The following PDE4D variants were observed in gnomAD, a reference collection of about 807,000 sequenced individuals.
The protein encoded by PDE4D is phosphodiesterase 4D, also known as 3',5'-cyclic-AMP phosphodiesterase 4D.
A neutral mutation model predicts 87.4 loss-of-function variants in PDE4D; 24 were observed. The ratio of observed to expected loss-of-function variants is 0.27; its 90% CI spans 0.20 to 0.39. PDE4D has a LOEUF of 0.39. Ranked by LOEUF, PDE4D falls within the 10% of genes least tolerant of loss-of-function variation. The probability of loss-of-function intolerance (pLI) is 1.00; values close to 1 mark genes in which losing one functional copy is unlikely to be tolerated. For missense variants in PDE4D, 714 were observed against 1,041.0 expected, an observed-to-expected ratio of 0.69 and a Z score of 4.32; for synonymous variants, 384 against 383.2, an observed-to-expected ratio of 1.00 and a Z score of -0.02.
intron 5 of PDE4D, among the ~76,000 whole-genome samples, chr5:59,071,738 G>T (rs1200544338): frequency 1.5e-5 from 2 of 134,694 alleles, no homozygotes; most frequent in Non-Finnish European, 3.1e-5. Flanking sequence ...CCAGGCTGGA[G>T]TGCAGTGGGA....
intron 5 of PDE4D, among the ~76,000 whole-genome samples, chr5:59,127,884 C>CA (rs1228018029): frequency 1.3e-5 from 2 of 151,966 alleles, no homozygotes; most frequent in Non-Finnish European, 2.9e-5. Context: ...ATCCACCAGA[C>CA]AGTCTCCTTC....
intron 1 of PDE4D, among the ~76,000 whole-genome samples, chr5:59,220,231 T>C (rs1581446145): frequency 1.3e-5 from 2 of 150,292 alleles, no homozygotes; most frequent in Admixed American, 1.3e-4. Context: ...GAAAACAGAG[T>C]AGAGGCTGAG....
intron 5 of PDE4D, among the ~76,000 whole-genome samples, chr5:59,085,951 G>A (rs1183711000): frequency 2.6e-5 from 4 of 152,124 alleles, no homozygotes; most frequent in Non-Finnish European, 4.4e-5. Flanking sequence ...AGAAGGAAAA[G>A]AATCAAGTAT....
intron 1 of PDE4D, among the ~76,000 whole-genome samples, chr5:60,360,026 C>T (rs770922448): frequency 3.3e-4 from 50 of 152,164 alleles, no homozygotes; most frequent in Admixed American, 3.0e-3. Flanking sequence ...TCTCGAACAC[C>T]GCCAATACCC....
intron 5 of PDE4D, chr5:59,157,466 C>A: frequency 1.6e-6 from 1 of 641,478 alleles, no homozygotes; most frequent in Non-Finnish European, 2.8e-6. Context: ...CTTGAATTTA[C>A]GACTAAGTTT....
At chr5:59,918,672 C>T (rs10076314) in intron 3 of PDE4D, among the ~76,000 whole-genome samples, 11,945 of 152,216 alleles carry the variant, frequency 0.078, 994 homozygotes, top group African/African-American at 0.21. Flanking sequence ...AGGATGGCTT[C>T]TAAGAGCTAA....
At chr5:60,363,766 G>A (rs1460400856) in intron 1 of PDE4D, among the ~76,000 whole-genome samples, 1 of 152,184 alleles carries the variant, frequency 6.6e-6, no homozygotes, top group Non-Finnish European at 1.5e-5. Flanking sequence ...TAGAAACAGG[G>A]ACTAGCAGGT....
intron 1 of PDE4D, among the ~76,000 whole-genome samples, chr5:59,610,602 C>T (rs1828864709): frequency 6.6e-6 from 1 of 152,144 alleles, no homozygotes; most frequent in Non-Finnish European, 1.5e-5. Flanking sequence ...TAGTGGCTTA[C>T]AATTCAGTGC....
At chr5:60,029,789 G>T (rs1767020561) in intron 2 of PDE4D, among the ~76,000 whole-genome samples, 1 of 152,136 alleles carries the variant, frequency 6.6e-6, no homozygotes, top group Non-Finnish European at 1.5e-5. Flanking sequence ...GGTGATTGTT[G>T]AAGTTAGGAT....
chr5:59,865,757 CTT>C (rs771185535), intron 1 of PDE4D, among the ~76,000 whole-genome samples: 3 of 152,076 alleles, frequency 2.0e-5, no homozygotes, highest in Non-Finnish European at 2.9e-5. Flanking sequence ...TGAGTGCTGA[CTT>C]ATATATTTGA....
intron 1 of PDE4D, among the ~76,000 whole-genome samples, chr5:59,753,477 A>ATCT (rs1423951339): frequency 6.6e-6 from 1 of 152,140 alleles, no homozygotes; most frequent in Non-Finnish European, 1.5e-5. Context: ...TTAAGAGTGG[A>ATCT]TCTTCCACGT....
intron 1 of PDE4D, among the ~76,000 whole-genome samples, chr5:59,242,270 T>C (rs1757833729): frequency 6.6e-6 from 1 of 152,130 alleles, no homozygotes; most frequent in African/African-American, 2.4e-5. Flanking sequence ...CTATGGCTGA[T>C]ACAAGGTGCA....
intron 1 of PDE4D, among the ~76,000 whole-genome samples, chr5:59,762,694 A>G (rs1762270260): frequency 7.0e-6 from 1 of 142,790 alleles, no homozygotes; most frequent in Admixed American, 6.8e-5. Context: ...ATATAGGTTC[A>G]TATATGTGTA....
chr5:59,962,480 C>G (rs1262221908), intron 3 of PDE4D, among the ~76,000 whole-genome samples: 1 of 151,992 alleles, frequency 6.6e-6, no homozygotes, highest in Non-Finnish European at 1.5e-5. Flanking sequence ...CACAAACACA[C>G]ACACCACATC....
Position 59,531,450 on chromosome 5 carries a change from T to C in PDE4D, c.456-315482A>G, listed in dbSNP as rs549789819. On this transcript the variant is annotated intron_variant, in intron 1 of 14. Coordinates refer to ENST00000340635, the MANE Select transcript of PDE4D (RefSeq NM_001104631.2). Reference sequence around the variant, plus strand: ...ATATTGTCTATCTTTTCTGTAGTTTTCTGCTGCTGGTGTAACAAATTATCA... The same window carrying C: ...ATATTGTCTATCTTTTCTGTAGTTTCCTGCTGCTGGTGTAACAAATTATCA... Among the ~76,000 whole-genome samples, 11 of 152,364 alleles carry C rather than the reference T, an allele frequency of 7.2e-5. No individual in the cohort carries two copies. In the South Asian group the frequency reaches 2.1e-3, roughly 29 times the overall value.
In PDE4D at chr5:59,011,822, C is replaced by T. The variant is rs141690424; in HGVS notation, c.922-18357G>A. On this transcript the variant is annotated intron_variant, in intron 6 of 14. Transcript: ENST00000340635. ...CAGAGAATGCCACGAAGATACTCCT[C>T]AAGAAGAGCAACTCCAAGACACATA... Among the ~76,000 whole-genome samples the T allele has an allele frequency of 9.0e-3, 1,372 of 152,202 alleles. 14 individuals carry two copies. The highest frequency in any genetic ancestry group is 0.031 in the African/African-American group (1,299 of 41,532).
At chr5:60,335,001 A>T (rs186655321) in intron 1 of PDE4D, 5 of 152,274 alleles carry the variant, frequency 3.3e-5, no homozygotes, top group African/African-American at 7.2e-5. Flanking sequence ...AGCAAAATAC[A>T]CCAAAGGCCT....
intron 1 of PDE4D, among the ~76,000 whole-genome samples, chr5:59,806,728 A>G (rs1397817634): frequency 6.6e-6 from 1 of 152,168 alleles, no homozygotes; most frequent in Non-Finnish European, 1.5e-5. Flanking sequence ...TAATAACTAT[A>G]TTTTTTCAAA....
At chr5:59,846,416 C>T (rs905407237) in intron 1 of PDE4D, among the ~76,000 whole-genome samples, 3 of 152,042 alleles carry the variant, frequency 2.0e-5, no homozygotes, top group African/African-American at 7.2e-5. Context: ...ACCCGGGATG[C>T]TTGTGTTAAT....
Sources: allele counts gnomAD v4.1 joint callset (sites outside exome capture counted in the v4.1 genomes callset), GRCh38; gene constraint gnomAD v4.1.1; transcripts MANE v1.5; gene names NCBI Gene and HGNC (gene_info 2026-07-23, HGNC 2026-07-21).